RBFOX1: variants seen among roughly 807,000 people sequenced by gnomAD.
RBFOX1 encodes RNA binding protein fox-1 homolog 1.
In RBFOX1, 8 loss-of-function variants were observed where a neutral mutation model predicts 57.7. The observed-to-expected ratio is 0.14, with a 90% CI of 0.08 to 0.25. The LOEUF (loss-of-function observed/expected upper bound fraction) is 0.25. RBFOX1 is among the 10% of genes least tolerant of loss of function. The probability of loss-of-function intolerance (pLI) is 1.00; values close to 1 mark genes in which losing one functional copy is unlikely to be tolerated. For missense variants in RBFOX1, 611 were observed against 548.5 expected (o/e 1.11, Z -1.14); for synonymous variants, 326 against 222.4 (o/e 1.47, Z -4.15).
At chr16:7,429,210 G>C (rs1475477235) in intron 4 of RBFOX1, among the ~76,000 whole-genome samples, 4 of 152,200 alleles carry the variant, frequency 2.6e-5, no homozygotes, top group African/African-American at 7.2e-5. Context: ...ACTGGACAGA[G>C]GCACAGCAAC....
At chr16:5,994,976 G>A (rs934322498) in intron 4 of RBFOX1, among the ~76,000 whole-genome samples, 1 of 152,150 alleles carries the variant, frequency 6.6e-6, no homozygotes, top group Non-Finnish European at 1.5e-5. Context: ...CCAGCTTCAG[G>A]CTCCTCTCAC....
intron 4 of RBFOX1, among the ~76,000 whole-genome samples, chr16:7,060,375 T>C (rs1221441688): frequency 6.6e-6 from 1 of 152,174 alleles, no homozygotes; most frequent in Non-Finnish European, 1.5e-5. Flanking sequence ...AGAGAAATCA[T>C]TCAAAGAAAA....
At chr16:7,621,545 G>T (rs1179364305) in intron 10 of RBFOX1, among the ~76,000 whole-genome samples, 3 of 152,114 alleles carry the variant, frequency 2.0e-5, no homozygotes, top group African/African-American at 7.2e-5. Flanking sequence ...TACAGGCAGG[G>T]TCACCACACC....
At chr16:5,304,522 C>T (rs956602952) in intron 1 of RBFOX1, among the ~76,000 whole-genome samples, 1 of 152,162 alleles carries the variant, frequency 6.6e-6, no homozygotes, top group Non-Finnish European at 1.5e-5. Context: ...TATCTCAGTG[C>T]GGCAGAAAGC....
At chr16:6,999,169 T>TTTTTTTTTTATTTTATTTTA (rs2092540690) in intron 3 of RBFOX1, among the ~76,000 whole-genome samples, 2 of 128,018 alleles carry the variant, frequency 1.6e-5, no homozygotes, top group Non-Finnish European at 3.2e-5. Context: ...GAGCCTGGCC[T>TTTTTTTTTTATTTTATTTTA]TTTTATTTTA....
intron 3 of RBFOX1, among the ~76,000 whole-genome samples, chr16:6,857,873 C>T (rs1021054354): frequency 5.3e-5 from 8 of 152,192 alleles, no homozygotes; most frequent in Non-Finnish European, 8.8e-5. Context: ...ATTTAGCAAC[C>T]TGTCAAATCC....
intron 14 of RBFOX1, among the ~76,000 whole-genome samples, chr16:7,695,649 C>CAAAAAAAAAA (rs34363093): frequency 2.0e-5 from 2 of 98,400 alleles, no homozygotes; most frequent in Non-Finnish European, 3.8e-5. Flanking sequence ...AAGCCTCCAT[C>CAAAAAAAAAA]AAAAAAAAAA....
chr16:5,327,110 T>C (rs2064598483), intron 1 of RBFOX1, among the ~76,000 whole-genome samples: 1 of 151,818 alleles, frequency 6.6e-6, no homozygotes, highest in South Asian at 2.1e-4. Context: ...TGAATACTTA[T>C]TATTTATGGA....
chr16:5,478,421 C>A (rs865834057), intron 2 of RBFOX1, among the ~76,000 whole-genome samples: 1 of 152,042 alleles, frequency 6.6e-6, no homozygotes, highest in Non-Finnish European at 1.5e-5. Context: ...AGAGCTGCAG[C>A]ATTATTGATT....
intron 4 of RBFOX1, among the ~76,000 whole-genome samples, chr16:7,261,784 A>G (rs559778661): frequency 3.2e-4 from 49 of 152,320 alleles, no homozygotes; most frequent in African/African-American, 1.2e-3. Flanking sequence ...AGAGCCTGAC[A>G]CTAAGAATCC....
chr16:7,668,706 A>C (rs1360125144), intron 13 of RBFOX1, among the ~76,000 whole-genome samples: 1 of 152,174 alleles, frequency 6.6e-6, no homozygotes, highest in East Asian at 1.9e-4. Context: ...ATAGATAGGA[A>C]TTTAATTTTC....
chr16:7,418,383 A>G (rs1190876143), intron 4 of RBFOX1, among the ~76,000 whole-genome samples: 1 of 152,192 alleles, frequency 6.6e-6, no homozygotes, highest in East Asian at 1.9e-4. Context: ...CAGCTTTGAT[A>G]CTTGCCCATG....
chr16:7,693,085 T>G (rs2077730482), intron 14 of RBFOX1, among the ~76,000 whole-genome samples: 1 of 152,144 alleles, frequency 6.6e-6, no homozygotes, highest in African/African-American at 2.4e-5. Flanking sequence ...TAATATTTGG[T>G]GCAACAGCTT....
chr16:7,586,981 A>G lies in RBFOX1; in HGVS notation c.415-266A>G, dbSNP rs575732616. 4.8e-4 allele frequency among the ~76,000 whole-genome samples: 73 copies of G among 152,362 alleles called. 1 individual carries two copies. The highest frequency in any genetic ancestry group is 3.4e-3 in the Middle Eastern group (1 of 294). Reference sequence around the variant, plus strand: ...TTTGCTGCTCAGTGCCTGGGAAAGCAGACATGCACACAGGAAAAAAAGAAA... The same window carrying G: ...TTTGCTGCTCAGTGCCTGGGAAAGCGGACATGCACACAGGAAAAAAAGAAA... On this transcript the variant is annotated intron_variant, in intron 6 of 15. Coordinates refer to ENST00000550418, the MANE Select transcript of RBFOX1 (RefSeq NM_018723.4).
chr16:6,643,237 G>C (rs2098506818), intron 2 of RBFOX1, among the ~76,000 whole-genome samples: 1 of 152,126 alleles, frequency 6.6e-6, no homozygotes, highest in Non-Finnish European at 1.5e-5. Context: ...CATAGGACTT[G>C]GTGCTTTCGG....
chr16:7,249,742 C>T (rs1389197031), intron 4 of RBFOX1, among the ~76,000 whole-genome samples: 1 of 152,030 alleles, frequency 6.6e-6, no homozygotes, highest in African/African-American at 2.4e-5. Flanking sequence ...CTCTGATTTT[C>T]CACCATAACA....
chr16:5,989,542 A>T (rs574043907), intron 4 of RBFOX1, among the ~76,000 whole-genome samples: 2 of 151,998 alleles, frequency 1.3e-5, no homozygotes, highest in African/African-American at 2.4e-5. Context: ...AGAACCTGAG[A>T]CTCTGGGCTG....
rs566183770 is a variant in RBFOX1, at chr16:6,971,317, C to T, written c.-15-80740C>T. 1.6e-4 allele frequency among the ~76,000 whole-genome samples: 24 copies of T among 152,182 alleles called. 1 individual carries two copies. In the South Asian group the frequency reaches 5.0e-3, roughly 32 times the overall value. On this transcript the variant is annotated intron_variant, in intron 3 of 15. Transcript: ENST00000550418. ...GATAGGAAAGCGAGGACATGTCAGC[C>T]ACAGAAACATCCATGGAAGAGCAAT...
rs906795225 is a variant in RBFOX1 at position 5,589,342 on chromosome 16, C to G, written c.259-9560C>G. On this transcript the variant is annotated intron_variant, in intron 2 of 2. Transcript: ENST00000585867. ...GAGGCTCAGGGGTCCCAGCGTTCAA[C>G]TTAGATGGGCTGCTTTTAAGTTGGC... 8.7e-4 allele frequency among the ~76,000 whole-genome samples: 133 copies of G among 152,162 alleles called. 1 individual carries two copies. Among genetic ancestry groups the G allele is most frequent in the African/African-American group, 2.8e-3 (118 of 41,436 alleles).
Sources: gnomAD v4.1 joint callset for allele counts (sites outside exome capture counted in the v4.1 genomes callset) on GRCh38, gnomAD v4.1.1 for gene constraint, MANE v1.5 for transcripts, NCBI Gene and HGNC (gene_info 2026-07-23, HGNC 2026-07-21) for gene names.